Variants in RUNX2 observed in about 807,000 individuals in gnomAD.
RUNX2 encodes the protein runt-related transcription factor 2.
A neutral mutation model predicts 51.7 loss-of-function variants in RUNX2; 10 were observed. The ratio of observed to expected loss-of-function variants is 0.19; its 90% confidence interval spans 0.12 to 0.33. The LOEUF (loss-of-function observed/expected upper bound fraction) is 0.33, where lower values mean the gene tolerates loss of function less well. Ranked by LOEUF, RUNX2 falls within the 10% of genes least tolerant of loss-of-function variation. The pLI is 1.00. For missense variants in RUNX2, 562 were observed against 691.3 expected (o/e 0.81, Z 2.10); for synonymous variants, 276 against 273.6 (o/e 1.01, Z -0.09).
At position 45,436,843 on chromosome 6, in the gene RUNX2, G is replaced by A. The variant is rs189015022; in HGVS notation, c.581-1104G>A. Among the ~76,000 whole-genome samples the A allele has an allele frequency of 3.9e-5, 6 of 152,222 alleles. No homozygotes were observed. In the East Asian group the frequency reaches 1.2e-3, roughly 29 times the overall value. On this transcript the variant is annotated intron_variant, in intron 4 of 8. Transcript: ENST00000647337. ...TTTAATACTCTCAGTTTTCAGTAAG[G>A]GAAAAAGAATCTCTGACCAAAAAAC...
At chr6:45,513,914 A>C (rs1801240507) in intron 7 of RUNX2, among the ~76,000 whole-genome samples, 1 of 152,230 alleles carries the variant, frequency 6.6e-6, no homozygotes, top group African/African-American at 2.4e-5. Flanking sequence ...GATTAAAAGC[A>C]TAATGTTGAT....
At chr6:45,386,925 A>G (rs990512773) in intron 2 of RUNX2, among the ~76,000 whole-genome samples, 1 of 152,168 alleles carries the variant, frequency 6.6e-6, no homozygotes, top group African/African-American at 2.4e-5. Flanking sequence ...TTTTTAATGC[A>G]ATGACATAGT....
intron 5 of RUNX2, among the ~76,000 whole-genome samples, chr6:45,450,260 T>C (rs1372770180): frequency 6.6e-6 from 1 of 152,198 alleles, no homozygotes; most frequent in African/African-American, 2.4e-5. Flanking sequence ...TAGATGGATC[T>C]GAGAAAGATC....
intron 2 of RUNX2, among the ~76,000 whole-genome samples, chr6:45,368,429 T>G (rs982245421): frequency 6.6e-6 from 1 of 152,142 alleles, no homozygotes; most frequent in African/African-American, 2.4e-5. Flanking sequence ...TCAGAAAATA[T>G]TGCTATCAAA....
chr6:45,464,057 GTGGCAGGTGCCT>G (rs1218438384), intron 5 of RUNX2, among the ~76,000 whole-genome samples: 5 of 152,140 alleles, frequency 3.3e-5, no homozygotes, highest in Non-Finnish European at 7.4e-5. Flanking sequence ...GCCAGGCGTG[GTGGCAGGTGCCT>G]GTAGTCCCAG....
chr6:45,524,351 T>C (rs988427605), intron 7 of RUNX2, among the ~76,000 whole-genome samples: 7 of 152,208 alleles, frequency 4.6e-5, no homozygotes, highest in Admixed American at 2.6e-4. Flanking sequence ...AAACATGCCA[T>C]GTATTTTCCA....
intron 2 of RUNX2, among the ~76,000 whole-genome samples, chr6:45,367,047 G>C (rs766666038): frequency 6.6e-6 from 1 of 152,178 alleles, no homozygotes; most frequent in African/African-American, 2.4e-5. Flanking sequence ...TGGGCCCCAC[G>C]AAAGAAGGTT....
chr6:45,406,896 C>T (rs1220490116), intron 2 of RUNX2, among the ~76,000 whole-genome samples: 1 of 152,056 alleles, frequency 6.6e-6, no homozygotes, highest in Non-Finnish European at 1.5e-5. Context: ...TATTCAGAAC[C>T]ATAGAGCTTT....
intron 2 of RUNX2, among the ~76,000 whole-genome samples, chr6:45,351,173 CT>C (rs1339837186): frequency 6.6e-6 from 1 of 152,056 alleles, no homozygotes; most frequent in Non-Finnish European, 1.5e-5. Flanking sequence ...ACTGTAATAG[CT>C]GGTCACAGAA....
At chr6:45,382,952 G>A (rs79761181) in intron 2 of RUNX2, among the ~76,000 whole-genome samples, 88 of 152,274 alleles carry the variant, frequency 5.8e-4, no homozygotes, top group Admixed American at 1.4e-3. Flanking sequence ...TAGAGAAAGA[G>A]AGGAATGAAG....
At chr6:45,383,438 G>C (rs1444710553) in intron 2 of RUNX2, among the ~76,000 whole-genome samples, 2 of 151,946 alleles carry the variant, frequency 1.3e-5, no homozygotes, top group Non-Finnish European at 2.9e-5. Context: ...CCCTGTCTCA[G>C]TAAATAAATA....
intron 2 of RUNX2, among the ~76,000 whole-genome samples, chr6:45,348,512 C>CAA (rs754208599): frequency 5.4e-5 from 6 of 110,366 alleles, no homozygotes; most frequent in African/African-American, 2.2e-4. Context: ...ACTAAAAATA[C>CAA]AAAAAAAAAA....
At chr6:45,443,655 C>T (rs975655303) in intron 5 of RUNX2, among the ~76,000 whole-genome samples, 2 of 152,130 alleles carry the variant, frequency 1.3e-5, no homozygotes, top group African/African-American at 4.8e-5. Context: ...CTAGTCTAAT[C>T]GTAGTGTCAT....
rs890475797 is a variant in RUNX2, at chr6:45,351,321, T to C, written c.58+22537T>C. ...AACCCATCAAGATCACAACTTCCTATGCATTCTACTAAATTCAACACCTAC... is the reference window on the plus strand; with the variant it reads ...AACCCATCAAGATCACAACTTCCTACGCATTCTACTAAATTCAACACCTAC... On this transcript the variant is annotated intron_variant, in intron 2 of 8. Transcript: ENST00000647337. Among the ~76,000 whole-genome samples the C allele has an allele frequency of 7.2e-5, 11 of 151,994 alleles. 1 individual carries two copies. The highest frequency in any genetic ancestry group is 6.6e-4 in the Admixed American group (10 of 15,230).
At position 45,328,579 on chromosome 6, in the gene RUNX2, A is replaced by G. The variant is rs1786814419; in HGVS notation, c.-66-82A>G. 7 of 1,581,622 alleles carry G rather than the reference A, an allele frequency of 4.4e-6. No individual in the cohort carries two copies. In the Admixed American group the frequency reaches 1.1e-4, roughly 25 times the overall value. On this transcript the variant is annotated intron_variant, in intron 1 of 8. Transcript: ENST00000647337. ...GTTACCAGCTACATAATTTCTTGAC[A>G]GAAAAAAATAAATATAAAGTCTATG...
At chr6:45,524,340 G>A (rs7766077) in intron 7 of RUNX2, among the ~76,000 whole-genome samples, 12,969 of 152,112 alleles carry the variant, frequency 0.085, 1,269 homozygotes, top group African/African-American at 0.24. Context: ...TTTTTAAGTA[G>A]AAACATGCCA....
intron 3 of RUNX2, among the ~76,000 whole-genome samples, chr6:45,426,492 T>A (rs377581405): frequency 3.3e-5 from 5 of 152,228 alleles, no homozygotes; most frequent in African/African-American, 1.2e-4. Flanking sequence ...GCATTTCCAC[T>A]GTGAAGCCTG....
intron 5 of RUNX2, among the ~76,000 whole-genome samples, chr6:45,491,420 G>T (rs1368748579): frequency 6.6e-6 from 1 of 152,086 alleles, no homozygotes; most frequent in Non-Finnish European, 1.5e-5. Context: ...CCAGAAAAGA[G>T]TCTTAGTAAA....
At chr6:45,390,915 C>G (rs1217157898) in intron 2 of RUNX2, among the ~76,000 whole-genome samples, 1 of 152,176 alleles carries the variant, frequency 6.6e-6, no homozygotes, top group Non-Finnish European at 1.5e-5. Context: ...CTTTTAAATA[C>G]ATAACTTTAT....
Sources: gnomAD v4.1 joint callset for allele counts (sites outside exome capture counted in the v4.1 genomes callset) on GRCh38, gnomAD v4.1.1 for gene constraint, MANE v1.5 for transcripts, NCBI Gene and HGNC (gene_info 2026-07-23, HGNC 2026-07-21) for gene names.